The following HPSE2 variants were observed in gnomAD, a reference collection of about 807,000 sequenced individuals.
The protein encoded by HPSE2 is inactive heparanase-2.
A neutral mutation model predicts 60.5 loss-of-function variants in HPSE2; 38 were observed. That is an observed-to-expected ratio of 0.63 (90% CI 0.48 to 0.82). The LOEUF (loss-of-function observed/expected upper bound fraction) is 0.82. Ranked by LOEUF, HPSE2 falls within the 40% of genes least tolerant of loss-of-function variation. The pLI is 0.00. For synonymous variants in HPSE2, 295 were observed against 293.2 expected, an observed-to-expected ratio of 1.01 and a Z score of -0.06; for missense variants, 713 against 740.4, an observed-to-expected ratio of 0.96 and a Z score of 0.43.
chr10:98,881,668 A>C (rs1427738342), intron 3 of HPSE2, among the ~76,000 whole-genome samples: 1 of 152,092 alleles, frequency 6.6e-6, no homozygotes, highest in African/African-American at 2.4e-5. Flanking sequence ...TTCTATATCA[A>C]CATATTACTT....
chr10:99,092,633 A>G (rs1843555172), intron 3 of HPSE2, among the ~76,000 whole-genome samples: 1 of 152,208 alleles, frequency 6.6e-6, no homozygotes. Flanking sequence ...GGTCTGAGGG[A>G]AGGTGCCTAA....
intron 3 of HPSE2, among the ~76,000 whole-genome samples, chr10:99,065,876 G>T (rs1842598059): frequency 6.6e-6 from 1 of 151,832 alleles, no homozygotes; most frequent in African/African-American, 2.4e-5. Flanking sequence ...CTAACTTCCA[G>T]TTTCTTTCAT....
intron 8 of HPSE2, 44 bp downstream of exon 8, chr10:98,620,558 C>T (rs756019481): frequency 7.2e-7 from 1 of 1,381,716 alleles, no homozygotes; most frequent in South Asian, 1.2e-5. Context: ...CACTGTCCTT[C>T]CCTCCTGAAA....
chr10:99,102,959 A>G (rs909345358), intron 3 of HPSE2, among the ~76,000 whole-genome samples: 8 of 152,208 alleles, frequency 5.3e-5, no homozygotes, highest in Admixed American at 3.3e-4. Context: ...CTCTCAATAC[A>G]TTAGGTACTG....
the HPSE2 span, among the ~76,000 whole-genome samples, chr10:99,263,737 A>C: frequency 1.3e-5 from 2 of 152,166 alleles, no homozygotes; most frequent in African/African-American, 4.8e-5. Flanking sequence ...AGACCAAAAA[A>C]AAAAAATCTC....
At chr10:98,717,475 G>C (rs981098265) in intron 5 of HPSE2, among the ~76,000 whole-genome samples, 1 of 152,062 alleles carries the variant, frequency 6.6e-6, no homozygotes, top group Non-Finnish European at 1.5e-5. Flanking sequence ...TTGAGCTTCT[G>C]CCTTAAAGTG....
At chr10:99,054,828 A>G (rs571307337) in intron 3 of HPSE2, among the ~76,000 whole-genome samples, 1 of 152,276 alleles carries the variant, frequency 6.6e-6, no homozygotes, top group East Asian at 1.9e-4. Flanking sequence ...CTCCTGCCTC[A>G]GCCTCTTGAG....
intron 3 of HPSE2, among the ~76,000 whole-genome samples, chr10:99,099,783 C>T (rs1207743538): frequency 9.9e-5 from 15 of 152,170 alleles, no homozygotes; most frequent in Non-Finnish European, 1.5e-5. Context: ...GGGTATCCCT[C>T]TGAGACGAAG....
chr10:99,303,064 A>G, the HPSE2 span, among the ~76,000 whole-genome samples: 2 of 152,154 alleles, frequency 1.3e-5, no homozygotes, highest in East Asian at 3.9e-4. Flanking sequence ...CTGCAGAGTG[A>G]TAACAGATCC....
rs146807047 is a variant in HPSE2, at chr10:99,055,103, T to G, written c.610+89135A>C. Among the ~76,000 whole-genome samples the G allele has an allele frequency of 7.9e-5, 12 of 152,284 alleles. No homozygotes were observed. The East Asian group carries it at 2.3e-3, about 29-fold the overall frequency. On this transcript the variant is annotated intron_variant, in intron 3 of 11. Coordinates refer to ENST00000370552, the MANE Select transcript of HPSE2 (RefSeq NM_021828.5). ...ATATACCAGCTATATATGGAAAATG[T>G]TATCCATAGTCAAAAATAAATAAAT...
At position 98,892,624 on chromosome 10, in the gene HPSE2, T is replaced by A. The variant is rs115404041; in HGVS notation, c.611-148568A>T. 7.0e-3 allele frequency among the ~76,000 whole-genome samples: 1,059 copies of A among 152,296 alleles called. 8 individuals are homozygous for A. The highest frequency in any genetic ancestry group is 0.024 in the African/African-American group (991 of 41,564). ...AAAAAGATGCTCACAACTGGGCCAGTGGCTTTTCTACTGAGTTGAATTTCA... is the reference window on the plus strand; with the variant it reads ...AAAAAGATGCTCACAACTGGGCCAGAGGCTTTTCTACTGAGTTGAATTTCA... On this transcript the variant is annotated intron_variant, in intron 3 of 11. Transcript: ENST00000370552.
At chr10:98,604,124 G>A (rs942934805) in intron 9 of HPSE2, among the ~76,000 whole-genome samples, 1 of 152,026 alleles carries the variant, frequency 6.6e-6, no homozygotes, top group African/African-American at 2.4e-5. Flanking sequence ...CACACTTAAA[G>A]GGAAAAAACA....
chr10:98,580,806 G>A (rs1332360278), intron 9 of HPSE2, among the ~76,000 whole-genome samples: 1 of 85,404 alleles, frequency 1.2e-5, no homozygotes, highest in East Asian at 3.4e-4. Context: ...AATCTGTTTA[G>A]TCAAGTTGTG....
chr10:98,693,055 A>T (rs1298711899), intron 6 of HPSE2, among the ~76,000 whole-genome samples: 2 of 152,240 alleles, frequency 1.3e-5, no homozygotes, highest in Non-Finnish European at 2.9e-5. Context: ...AGGAGTACAT[A>T]CGCTAGGCAG....
chr10:98,553,612 TC>T (rs1943922218), intron 9 of HPSE2, among the ~76,000 whole-genome samples: 2 of 152,132 alleles, frequency 1.3e-5, no homozygotes, highest in African/African-American at 4.8e-5. Context: ...CTACCATCCT[TC>T]TCTCCACCAT....
At chr10:99,166,829 AGAGT>A (rs1847097924) in intron 2 of HPSE2, among the ~76,000 whole-genome samples, 1 of 151,468 alleles carries the variant, frequency 6.6e-6, no homozygotes, top group African/African-American at 2.4e-5. Flanking sequence ...GCCTGGTGAC[AGAGT>A]GAGACTCCAT....
At chr10:99,057,630 A>G (rs541570820) in intron 3 of HPSE2, among the ~76,000 whole-genome samples, 2 of 152,330 alleles carry the variant, frequency 1.3e-5, no homozygotes, top group South Asian at 2.1e-4. Context: ...GTTTGTCAAC[A>G]AGACAACAAC....
the HPSE2 span, among the ~76,000 whole-genome samples, chr10:99,248,848 G>A: frequency 1.3e-5 from 2 of 152,202 alleles, no homozygotes; most frequent in African/African-American, 2.4e-5. Flanking sequence ...TCAAGCCATG[G>A]CTAAAAGAGC....
intron 2 of HPSE2, among the ~76,000 whole-genome samples, chr10:99,193,582 G>T (rs966543371): frequency 2.0e-5 from 3 of 151,844 alleles, no homozygotes; most frequent in African/African-American, 2.4e-5. Context: ...AAAATAAAGG[G>T]ATAGTAAAAG....
Sources: allele counts gnomAD v4.1 joint callset (sites outside exome capture counted in the v4.1 genomes callset), GRCh38; gene constraint gnomAD v4.1.1; transcripts MANE v1.5; gene names NCBI Gene and HGNC (gene_info 2026-07-23, HGNC 2026-07-21).